TMT1A: variants seen among roughly 807,000 people sequenced by gnomAD.
TMT1A encodes thiol S-methyltransferase TMT1A.
chr12:50,928,850 G>A, the TMT1A span, among the ~76,000 whole-genome samples: 1 of 152,072 alleles, frequency 6.6e-6, no homozygotes, highest in Non-Finnish European at 1.5e-5. Flanking sequence ...GGATTGCTCA[G>A]AGGCACCTCT....
At chr12:50,929,845 C>CAA in the TMT1A span, 2 of 1,467,888 alleles carry the variant, frequency 1.4e-6, no homozygotes, top group Non-Finnish European at 1.9e-6. Flanking sequence ...GAACAATTTT[C>CAA]AAAAAATAAA....
At chr12:50,928,578 A>G in the TMT1A span, among the ~76,000 whole-genome samples, 1 of 152,186 alleles carries the variant, frequency 6.6e-6, no homozygotes, top group African/African-American at 2.4e-5. Context: ...AAGTTCCCTT[A>G]TCTGCACAAA....
the TMT1A span, chr12:50,925,115 G>C: frequency 6.2e-7 from 1 of 1,614,066 alleles, no homozygotes. Context: ...AACTTTCTGG[G>C]CTTGTGGAGC....
At chr12:50,929,405 T>A in the TMT1A span, among the ~76,000 whole-genome samples, 1 of 151,882 alleles carries the variant, frequency 6.6e-6, no homozygotes, top group African/African-American at 2.4e-5. Flanking sequence ...CCAAGAAGAG[T>A]GGTGCAGTTA....
chr12:50,929,896 T>C, the TMT1A span: 2 of 1,553,428 alleles, frequency 1.3e-6, no homozygotes, highest in East Asian at 2.3e-5. Flanking sequence ...AATGTTTTTT[T>C]TTTTCTTTCT....
At chr12:50,925,513 G>C in the TMT1A span, 3 of 1,613,548 alleles carry the variant, frequency 1.9e-6, no homozygotes, top group African/African-American at 2.7e-5. Context: ...GATTCTCCGC[G>C]AGGTGTGCAG....
chr12:50,925,658 G>C, the TMT1A span: 1 of 1,202,550 alleles, frequency 8.3e-7, no homozygotes, highest in Non-Finnish European at 1.1e-6. Context: ...AAATACTGTA[G>C]AATTTTTTAA....
At chr12:50,931,566 C>T in the TMT1A span, 4 of 150,198 alleles carry the variant, frequency 2.7e-5, no homozygotes, top group Admixed American at 1.3e-4. Context: ...AAAAAATTAG[C>T]CAGGCGTGGT....
chr12:50,926,016 CAAAAAA>C, the TMT1A span, among the ~76,000 whole-genome samples: 9 of 26,064 alleles, frequency 3.5e-4, no homozygotes, highest in African/African-American at 6.8e-4. Flanking sequence ...AACTCCATCT[CAAAAAA>C]AAAAAAAAAA....
At chr12:50,925,660 A>AT in the TMT1A span, 22 of 1,170,150 alleles carry the variant, frequency 1.9e-5, no homozygotes, top group Middle Eastern at 2.9e-4. Context: ...ATACTGTAGA[A>AT]TTTTTTAAAA....
chr12:50,931,912 C>A, the TMT1A span: 1 of 152,088 alleles, frequency 6.6e-6, no homozygotes, highest in Non-Finnish European at 1.5e-5. Context: ...ATTTGTTATT[C>A]TTAGCGTCAC....
the TMT1A span, chr12:50,925,435 G>A: frequency 6.2e-7 from 1 of 1,614,220 alleles, no homozygotes; most frequent in East Asian, 2.2e-5. Flanking sequence ...CATGCACCAG[G>A]TGGCTGATGG....
the TMT1A span, among the ~76,000 whole-genome samples, chr12:50,928,935 G>A: frequency 1.1e-4 from 16 of 152,044 alleles, no homozygotes; most frequent in South Asian, 3.1e-3. Context: ...CCTATCCTAT[G>A]AAGATTTTTT....
chr12:50,927,851 G>A, the TMT1A span, among the ~76,000 whole-genome samples: 1 of 152,070 alleles, frequency 6.6e-6, no homozygotes, highest in Non-Finnish European at 1.5e-5. Flanking sequence ...TTGAAACAGA[G>A]TCTTGCTCTG....
At chr12:50,925,188 G>T in the TMT1A span, 2 of 1,614,224 alleles carry the variant, frequency 1.2e-6, no homozygotes, top group Non-Finnish European at 1.7e-6. Flanking sequence ...ACAACGAACA[G>T]ATGGCAAGCA....
chr12:50,929,958 G>T, the TMT1A span: 1 of 1,613,618 alleles, frequency 6.2e-7, no homozygotes, highest in South Asian at 1.1e-5. Flanking sequence ...CTGAGTGTTC[G>T]ACTTGGAATT....
the TMT1A span, chr12:50,931,918 G>A: frequency 1.3e-5 from 2 of 152,190 alleles, no homozygotes; most frequent in East Asian, 1.9e-4. Flanking sequence ...TATTCTTAGC[G>A]TCACTGGTCT....
the TMT1A span, among the ~76,000 whole-genome samples, chr12:50,928,525 G>C: frequency 6.6e-6 from 1 of 152,266 alleles, no homozygotes; most frequent in South Asian, 2.1e-4. Context: ...CGTGCATGTG[G>C]GGCCTTAGTG....
At chr12:50,929,234 C>A in the TMT1A span, among the ~76,000 whole-genome samples, 2 of 152,004 alleles carry the variant, frequency 1.3e-5, no homozygotes, top group African/African-American at 4.8e-5. Context: ...GGCCCTGTCT[C>A]AAGAAATAAT....
Sources: allele counts gnomAD v4.1 joint callset (sites outside exome capture counted in the v4.1 genomes callset), GRCh38; gene constraint gnomAD v4.1.1; transcripts MANE v1.5; gene names NCBI Gene and HGNC (gene_info 2026-07-23, HGNC 2026-07-21).